Variants in FRMPD2 observed in about 807,000 individuals in gnomAD.
FRMPD2 encodes the protein FERM and PDZ domain-containing protein 2.
FRMPD2 carries 96 observed loss-of-function variants against 140.1 expected under a neutral mutation model. That is an observed-to-expected ratio of 0.69 (90% CI 0.58 to 0.81). FRMPD2 has a LOEUF of 0.81. Ranked by LOEUF, FRMPD2 falls within the 40% of genes least tolerant of loss-of-function variation. The probability of loss-of-function intolerance (pLI) is 0.00; values close to 1 mark genes in which losing one functional copy is unlikely to be tolerated. For missense variants in FRMPD2, 1,240 were observed against 1,447.4 expected, an observed-to-expected ratio of 0.86 and a Z score of 2.32; for synonymous variants, 449 against 547.6, an observed-to-expected ratio of 0.82 and a Z score of 2.52.
intron 27 of FRMPD2, among the ~76,000 whole-genome samples, chr10:48,165,549 T>C (rs1273419001): frequency 1.8e-5 from 2 of 113,880 alleles, no homozygotes; most frequent in African/African-American, 7.0e-5. Context: ...TTTCTAAAGC[T>C]GAAGAACAAT....
chr10:48,251,471 T>C lies in FRMPD2; in HGVS notation c.151+95A>G, dbSNP rs918481099. 1.5e-5 allele frequency: 23 copies of C among 1,493,164 alleles called. No individual in the cohort carries two copies. The African/African-American group carries it at 3.2e-4, about 21-fold the overall frequency. The allele number at this position is 1,493,164 out of a possible 1,614,324, so 92.5% of individuals were successfully genotyped here. ...AACCTTGTTCTGTGCTCTCAGAGGTTGATTTAAAAAAGCAGCAGCAGCCAG... is the reference window on the plus strand; with the variant it reads ...AACCTTGTTCTGTGCTCTCAGAGGTCGATTTAAAAAAGCAGCAGCAGCCAG... On this transcript the variant is annotated intron_variant, in intron 2 of 28. Transcript: ENST00000374201.
chr10:48,274,691 T>G lies in FRMPD2; in HGVS notation c.-124A>C, dbSNP rs1840824374. 3 of 869,608 alleles carry G rather than the reference T, an allele frequency of 3.4e-6. No individual in the cohort carries two copies. The highest frequency in any genetic ancestry group is 5.7e-6 in the Non-Finnish European group (3 of 530,456). The allele number at this position is 869,608 out of a possible 1,614,324, so 53.9% of individuals were successfully genotyped here. On this transcript the variant is annotated 5_prime_UTR_variant, in exon 1 of 29. Coordinates refer to ENST00000374201, the MANE Select transcript of FRMPD2 (RefSeq NM_001018071.4). ...ACCAGCACTGTTGCCGCTGTCTTTG[T>G]TTACTGCTTGTCACTAAGCACTTGC...
In FRMPD2 at chr10:48,237,923, G is replaced by A. The variant is rs12252932; in HGVS notation, c.921+68C>T. On this transcript the variant is annotated intron_variant, in intron 8 of 28. Coordinates refer to ENST00000374201, the MANE Select transcript of FRMPD2 (RefSeq NM_001018071.4). Reference sequence around the variant, plus strand: ...AAGACCCTGCCCATTTTCAGCCACCGTGCCAGCCACCCACAGCTCCCTGCT... The same window carrying A: ...AAGACCCTGCCCATTTTCAGCCACCATGCCAGCCACCCACAGCTCCCTGCT... The A allele has an allele frequency of 9.6e-3, 15,245 of 1,586,150 alleles. 1,278 individuals carry two copies. The African/African-American group carries it at 0.18, about 19-fold the overall frequency.
intron 1 of FRMPD2, among the ~76,000 whole-genome samples, chr10:48,256,651 A>T (rs1442404125): frequency 6.6e-6 from 1 of 152,076 alleles, no homozygotes; most frequent in Non-Finnish European, 1.5e-5. Context: ...TCAGCTCTGG[A>T]GCTGAAGGTG....
chr10:48,206,683 T>A, intron 14 of FRMPD2, 65 bp downstream of exon 14: 1 of 1,422,066 alleles, frequency 7.0e-7, no homozygotes, highest in Non-Finnish European at 9.8e-7. Context: ...CCACTGCTCC[T>A]TTAAACGGCC....
chr10:48,271,238 G>A (rs536951993), intron 1 of FRMPD2, among the ~76,000 whole-genome samples: 7 of 152,174 alleles, frequency 4.6e-5, no homozygotes, highest in Admixed American at 2.0e-4. Context: ...GGGGACACTC[G>A]CATCTGGAGC....
At chr10:48,255,212 T>G (rs1364001034) in intron 1 of FRMPD2, among the ~76,000 whole-genome samples, 2 of 152,184 alleles carry the variant, frequency 1.3e-5, no homozygotes, top group Non-Finnish European at 2.9e-5. Flanking sequence ...CATAGAAGTC[T>G]TCTTTGCCAT....
chr10:48,190,192 G>A (rs142965430), intron 16 of FRMPD2, among the ~76,000 whole-genome samples: 78 of 152,282 alleles, frequency 5.1e-4, no homozygotes, highest in African/African-American at 1.6e-3. Context: ...CTGCAGTGGT[G>A]GGGGGCAGTT....
At chr10:48,249,896 G>C (rs1327973888) in intron 2 of FRMPD2, among the ~76,000 whole-genome samples, 1 of 145,058 alleles carries the variant, frequency 6.9e-6, no homozygotes, top group Non-Finnish European at 1.5e-5. Flanking sequence ...ACAGTGTGCA[G>C]CTTTCTCATT....
Position 48,191,982 on chromosome 10 carries a change from G to A in FRMPD2, c.2165+702C>T, listed in dbSNP as rs925757083. On this transcript the variant is annotated intron_variant, in intron 16 of 28. Coordinates refer to ENST00000374201, the MANE Select transcript of FRMPD2 (RefSeq NM_001018071.4). ...CTCTCTGTGATGTGATGAGAACAAC[G>A]GAAACACTTAACAGAGTCATAAGAC... Among the ~76,000 whole-genome samples, 7 of 152,158 alleles carry A rather than the reference G, an allele frequency of 4.6e-5. 1 individual carries two copies. The highest frequency in any genetic ancestry group is 4.2e-4 in the South Asian group (2 of 4,814).
chr10:48,192,926 C>G, intron 15 of FRMPD2, 32 bp from the exon 16 acceptor site: 1 of 1,498,584 alleles, frequency 6.7e-7, no homozygotes, highest in Non-Finnish European at 9.3e-7. Context: ...TAGACATACA[C>G]ACACACAAGA....
chr10:48,234,601 G>A (rs1196733239), intron 9 of FRMPD2, among the ~76,000 whole-genome samples: 1 of 152,148 alleles, frequency 6.6e-6, no homozygotes, highest in African/African-American at 2.4e-5. Context: ...TCCAGCCCAA[G>A]CCAGACAAAC....
chr10:48,232,629 G>C (rs1288964234), intron 9 of FRMPD2, among the ~76,000 whole-genome samples: 1 of 152,138 alleles, frequency 6.6e-6, no homozygotes. Flanking sequence ...CTTCCTAAGA[G>C]GGTCACCCAG....
At chr10:48,192,151 T>C (rs935867615) in intron 16 of FRMPD2, among the ~76,000 whole-genome samples, 1 of 152,196 alleles carries the variant, frequency 6.6e-6, no homozygotes, top group Non-Finnish European at 1.5e-5. Context: ...GGGAGCATCA[T>C]AGAAGGAGGA....
intron 16 of FRMPD2, among the ~76,000 whole-genome samples, chr10:48,187,981 C>T (rs1269428618): frequency 6.6e-6 from 1 of 152,154 alleles, no homozygotes; most frequent in Admixed American, 6.5e-5. Context: ...GCCACAGCCC[C>T]GGGGTCAGTT....
At chr10:48,208,095 C>T (rs1839242624) in intron 13 of FRMPD2, among the ~76,000 whole-genome samples, 1 of 152,124 alleles carries the variant, frequency 6.6e-6, no homozygotes, top group Non-Finnish European at 1.5e-5. Flanking sequence ...TATCATCATA[C>T]AAATCAATAT....
At chr10:48,215,220 A>T (rs753090586) in intron 12 of FRMPD2, among the ~76,000 whole-genome samples, 2 of 152,122 alleles carry the variant, frequency 1.3e-5, no homozygotes, top group Non-Finnish European at 2.9e-5. Flanking sequence ...TTAGGAGGCC[A>T]CACTAAGTCT....
rs541525450 is a variant in FRMPD2 at position 48,158,034 on chromosome 10, C to T, written c.3882-664G>A. On this transcript the variant is annotated intron_variant, in intron 28 of 28. Coordinates refer to ENST00000374201, the MANE Select transcript of FRMPD2 (RefSeq NM_001018071.4). ...ACTGCAGCTGCCTCAGTGTCCACAC[C>T]TCACCTCCCACCCGTAGACTCCCTC... Among the ~76,000 whole-genome samples, 15 of 144,908 alleles carry T rather than the reference C, an allele frequency of 1.0e-4. 1 individual carries two copies. In the South Asian group the frequency reaches 2.2e-3, roughly 21 times the overall value.
chr10:48,178,814 C>A (rs1295358311), intron 21 of FRMPD2: 1 of 152,508 alleles, frequency 6.6e-6, no homozygotes, highest in Non-Finnish European at 1.5e-5. Context: ...CAGAGAGGAC[C>A]TACCAGAGGA....
Sources: gnomAD v4.1 joint callset for allele counts (sites outside exome capture counted in the v4.1 genomes callset) on GRCh38, gnomAD v4.1.1 for gene constraint, MANE v1.5 for transcripts, NCBI Gene and HGNC (gene_info 2026-07-23, HGNC 2026-07-21) for gene names.